AJAP1: variants seen among roughly 807,000 people sequenced by gnomAD.
AJAP1 encodes the protein adherens junctions associated protein 1.
AJAP1 carries 5 observed loss-of-function variants against 35.0 expected under a neutral mutation model. That is an observed-to-expected ratio of 0.14 (90% CI 0.07 to 0.30). The LOEUF is 0.30. Among genes scored for constraint, AJAP1 ranks in the 10% least tolerant of loss-of-function variants. The pLI, the probability that AJAP1 is intolerant of heterozygous loss-of-function variation, is 1.00. For synonymous variants in AJAP1, 284 were observed against 249.3 expected, an observed-to-expected ratio of 1.14 and a Z score of -1.31; for missense variants, 586 against 571.0, an observed-to-expected ratio of 1.03 and a Z score of -0.27.
In AJAP1 at chr1:4,724,545, G is replaced by A. The variant is rs144824213; in HGVS notation, c.829+11846G>A. ...CACTTGCCCAGAGGTGGGCCTGCTC[G>A]CTCCTCCCCAGCCCCTCGCCAATAT... On this transcript the variant is annotated intron_variant, in intron 2 of 5. Transcript: ENST00000378191. 6.6e-5 allele frequency among the ~76,000 whole-genome samples: 10 copies of A among 152,168 alleles called. No individual in the cohort carries two copies. The East Asian group carries it at 7.8e-4, about 12-fold the overall frequency.
intron 1 of AJAP1, among the ~76,000 whole-genome samples, chr1:4,710,660 C>G (rs1417747140): frequency 2.0e-5 from 3 of 152,282 alleles, no homozygotes; most frequent in Non-Finnish European, 4.4e-5. Flanking sequence ...TCGCGCCCCC[C>G]ACCCGCTTCA....
chr1:4,758,470 A>G (rs1295472530), intron 2 of AJAP1, among the ~76,000 whole-genome samples: 1 of 152,154 alleles, frequency 6.6e-6, no homozygotes, highest in African/African-American at 2.4e-5. Flanking sequence ...GAAGCAAGGC[A>G]CCTTCTTCAC....
At position 4,789,442 on chromosome 1, in the gene AJAP1, A is replaced by G. The variant is rs1343268882; in HGVS notation, c.*6957A>G. ...TGGACTGTAGGAAATTCTCCTTTAT[A>G]CAAGTTAATTAGTTTTGTCTCTGGT... On this transcript the variant is annotated 3_prime_UTR_variant, in exon 6 of 6. Transcript: ENST00000378191. The surrounding 1 kb of genome is among the most constrained non-coding windows in gnomAD (Gnocchi z 4.4). 2.0e-5 allele frequency: 3 copies of G among 152,354 alleles called. No homozygotes were observed. The South Asian group carries it at 6.2e-4, about 32-fold the overall frequency. 9.4% of individuals were successfully genotyped at this position (152,354 alleles called of 1,614,324 possible).
chr1:4,721,098 G>A (rs542477667), intron 2 of AJAP1, among the ~76,000 whole-genome samples: 6 of 152,304 alleles, frequency 3.9e-5, no homozygotes, highest in Non-Finnish European at 8.8e-5. Flanking sequence ...TTACGTAGCT[G>A]GAATAGCACT....
At chr1:4,661,181 G>A (rs1570079423) in intron 1 of AJAP1, among the ~76,000 whole-genome samples, 1 of 152,198 alleles carries the variant, frequency 6.6e-6, no homozygotes, top group East Asian at 1.9e-4. Context: ...AGATACAATG[G>A]GCAGCTCTAT....
At chr1:4,778,177 T>C (rs573318616) in intron 5 of AJAP1, among the ~76,000 whole-genome samples, 17 of 152,306 alleles carry the variant, frequency 1.1e-4, no homozygotes, top group African/African-American at 4.1e-4. Context: ...GGGCAGAATT[T>C]ATCCCAGATC....
intron 1 of AJAP1, among the ~76,000 whole-genome samples, chr1:4,673,390 C>T (rs1557603161): frequency 6.6e-6 from 1 of 152,232 alleles, no homozygotes; most frequent in Non-Finnish European, 1.5e-5. Context: ...CTCCCCTGCC[C>T]TTCATCCCTC....
chr1:4,788,099 A>G lies in AJAP1; in HGVS notation c.*5614A>G, dbSNP rs374637813. On this transcript the variant is annotated 3_prime_UTR_variant, in exon 6 of 6. Transcript: ENST00000378191. Reference sequence around the variant, plus strand: ...GATTATTCTTCCCCACTTATTGTACATTGATGTGCCGCCTGCTAGGAAGAT... The same window carrying G: ...GATTATTCTTCCCCACTTATTGTACGTTGATGTGCCGCCTGCTAGGAAGAT... 4.1e-4 allele frequency: 93 copies of G among 226,038 alleles called. 1 individual carries two copies. Among genetic ancestry groups the G allele is most frequent in the African/African-American group, 1.7e-3 (72 of 42,406 alleles). The allele number at this position is 226,038 out of a possible 1,614,324, so 14.0% of individuals were successfully genotyped here. A position where few individuals can be genotyped will look rare whatever the true frequency, so the allele number is the denominator to read the frequency against.
At chr1:4,710,410 C>T (rs1170647705) in intron 1 of AJAP1, among the ~76,000 whole-genome samples, 1 of 152,180 alleles carries the variant, frequency 6.6e-6, no homozygotes, top group Admixed American at 6.5e-5. Context: ...CACACTGGCA[C>T]ACTCACACAG....
chr1:4,699,301 A>G (rs924428528), intron 1 of AJAP1, among the ~76,000 whole-genome samples: 1 of 152,054 alleles, frequency 6.6e-6, no homozygotes, highest in African/African-American at 2.4e-5. Context: ...AATTCTAGAA[A>G]CCCACGGAAC....
intron 5 of AJAP1, among the ~76,000 whole-genome samples, chr1:4,774,968 C>T (rs957817681): frequency 1.4e-4 from 21 of 152,196 alleles, no homozygotes; most frequent in Admixed American, 9.2e-4. Flanking sequence ...GCAGGAATCG[C>T]ACCTCCATCA....
chr1:4,753,304 A>AG (rs1641360534), intron 2 of AJAP1, among the ~76,000 whole-genome samples: 2 of 151,946 alleles, frequency 1.3e-5, no homozygotes, highest in South Asian at 4.1e-4. Context: ...GAACACCTTG[A>AG]GGCTTACTGA....
intron 2 of AJAP1, among the ~76,000 whole-genome samples, chr1:4,743,647 A>G (rs1170226112): frequency 6.6e-6 from 1 of 152,130 alleles, no homozygotes; most frequent in Non-Finnish European, 1.5e-5. Flanking sequence ...ATGATTTTCT[A>G]ATTTCTTCCC....
At chr1:4,767,944 T>G (rs941532592) in intron 2 of AJAP1, among the ~76,000 whole-genome samples, 1 of 152,224 alleles carries the variant, frequency 6.6e-6, no homozygotes, top group African/African-American at 2.4e-5. Flanking sequence ...GAGTTGGGTC[T>G]CAGGAAACTT....
At chr1:4,716,302 C>T (rs1298419736) in intron 2 of AJAP1, among the ~76,000 whole-genome samples, 1 of 152,236 alleles carries the variant, frequency 6.6e-6, no homozygotes, top group Non-Finnish European at 1.5e-5. Context: ...CTTCAAATTC[C>T]TGGCTTCAGC....
intron 1 of AJAP1, among the ~76,000 whole-genome samples, chr1:4,695,953 G>A (rs1039610051): frequency 4.1e-4 from 62 of 150,838 alleles, no homozygotes; most frequent in Non-Finnish European, 5.2e-4. Context: ...CAGTTCTCTC[G>A]TACTGGGGGG....
chr1:4,724,525 G>T (rs1640605424), intron 2 of AJAP1, among the ~76,000 whole-genome samples: 1 of 152,060 alleles, frequency 6.6e-6, no homozygotes, highest in African/African-American at 2.4e-5. Flanking sequence ...ACTTGCACTT[G>T]CCCAGAGGTG....
At chr1:4,671,991 C>A (rs146040572) in intron 1 of AJAP1, among the ~76,000 whole-genome samples, 2 of 152,324 alleles carry the variant, frequency 1.3e-5, no homozygotes, top group African/African-American at 4.8e-5. Flanking sequence ...GCCCTGCAGA[C>A]CCTCACCCAC....
chr1:4,727,948 A>C (rs242047), intron 2 of AJAP1, among the ~76,000 whole-genome samples: 44,989 of 152,004 alleles, frequency 0.3, 6,992 homozygotes, highest in Admixed American at 0.37. Flanking sequence ...AGATGACAGC[A>C]CAGCCCAGCC....
Sources: gnomAD v4.1 joint callset for allele counts (sites outside exome capture counted in the v4.1 genomes callset) on GRCh38, gnomAD v4.1.1 for gene constraint, Gnocchi (gnomAD v3.1) non-coding constraint, MANE v1.5 for transcripts, NCBI Gene and HGNC (gene_info 2026-07-23, HGNC 2026-07-21) for gene names.